The following SARS1 variants were observed in gnomAD, a reference collection of about 807,000 sequenced individuals.
SARS1 encodes seryl-tRNA synthetase 1, also known as serine--tRNA ligase, cytoplasmic.
In SARS1, 25 loss-of-function variants were observed where a neutral mutation model predicts 63.7. The observed-to-expected ratio is 0.39, with a 90% CI of 0.29 to 0.55. SARS1 has a LOEUF of 0.55. Among genes scored for constraint, SARS1 ranks in the 20% least tolerant of loss-of-function variants. The pLI, the probability that SARS1 is intolerant of heterozygous loss-of-function variation, is 0.62. For synonymous variants in SARS1, 231 were observed against 243.5 expected, an observed-to-expected ratio of 0.95 and a Z score of 0.48; for missense variants, 417 against 649.7, an observed-to-expected ratio of 0.64 and a Z score of 3.89.
In SARS1 at chr1:109,235,852, G is replaced by T; in HGVS notation, c.970-125G>T. 1.1e-6 allele frequency: 1 copy of T among 908,980 alleles called. No individual in the cohort carries two copies. The allele number at this position is 908,980 out of a possible 1,614,324, so 56.3% of individuals were successfully genotyped here. ...CTCTTGTGGTCCAGTCCCAGTTGCT[G>T]GGGGCCCAGACTTGCCTGCCTCCCA... On this transcript the variant is annotated intron_variant, in intron 7 of 10. Transcript: ENST00000234677. The surrounding 1 kb of genome is among the most constrained non-coding windows in gnomAD (Gnocchi z 4.7).
At chr1:109,226,701 C>CATATATAT (rs61204287) in intron 2 of SARS1, among the ~76,000 whole-genome samples, 2 of 69,786 alleles carry the variant, frequency 2.9e-5, no homozygotes, top group South Asian at 4.9e-4. Context: ...TATATATACA[C>CATATATAT]ACACACACAC....
intron 4 of SARS1, among the ~76,000 whole-genome samples, chr1:109,230,295 AC>A (rs1011741916): frequency 2.0e-5 from 3 of 152,210 alleles, no homozygotes; most frequent in East Asian, 3.9e-4. Flanking sequence ...AACAAAAAAA[AC>A]CCCCGAGAGA....
intron 8 of SARS1, 39 bp downstream of exon 8, chr1:109,236,145 A>G: frequency 6.3e-7 from 1 of 1,594,340 alleles, no homozygotes. Flanking sequence ...CCTTTCCTGT[A>G]ATCCCAGACG....
intron 1 of SARS1, chr1:109,215,113 A>G (rs1433872778): frequency 2.0e-6 from 2 of 985,404 alleles, no homozygotes; most frequent in Middle Eastern, 5.2e-4. Flanking sequence ...TCTCCTGTTT[A>G]TAAGGATCTT....
intron 1 of SARS1, chr1:109,217,054 C>T: frequency 4.1e-6 from 4 of 985,410 alleles, no homozygotes; most frequent in Non-Finnish European, 4.8e-6. Context: ...GGCATATAAT[C>T]TTTCTAGAAT....
intron 3 of SARS1, among the ~76,000 whole-genome samples, chr1:109,228,716 T>G (rs962688732): frequency 4.6e-5 from 7 of 152,252 alleles, no homozygotes; most frequent in Admixed American, 2.0e-4. Flanking sequence ...TTCTACCGTT[T>G]GTTACACAAA....
rs148795336 is a variant in SARS1, at chr1:109,235,308, T to C, written c.846T>C (p.Asp282=). Residue 282 remains aspartate, a synonymous_variant, in exon 7 of 11, where the codon GAT becomes GAC. Transcript: ENST00000234677. This position sits in a 1 kb window ranked among gnomAD's most constrained non-coding sequence, Gnocchi z 4.7. ...SEQPIAALHR[D]EWLRPEDLPI... ...AGCCCATTGCTGCCCTGCACCGGGA[T>C]GAGTGGCTCCGGCCGGAGGACCTGC... is the stretch of plus-strand genomic sequence containing the variant. 1.9e-4 allele frequency: 299 copies of C among 1,613,790 alleles called. No homozygotes were observed. Among genetic ancestry groups the C allele is most frequent in the Non-Finnish European group, 2.4e-4 (284 of 1,180,008 alleles).
intron 1 of SARS1, chr1:109,217,282 C>T (rs1654812358): frequency 5.6e-6 from 2 of 358,992 alleles, no homozygotes; most frequent in Non-Finnish European, 7.8e-6. Context: ...TTAGCCAAGC[C>T]TACCTTAAAT....
intron 2 of SARS1, among the ~76,000 whole-genome samples, chr1:109,225,613 G>T (rs972715680): frequency 1.3e-5 from 2 of 152,188 alleles, no homozygotes; most frequent in African/African-American, 4.8e-5. Flanking sequence ...TAATGATAGT[G>T]CTTTAATTTG....
At position 109,237,214 on chromosome 1, in the gene SARS1, G is replaced by A. The variant is rs1260673871; in HGVS notation, c.1258-30G>A. ...GTAAGACCCGATGAGAGTTGAGCCCGACTTCCCCTCTGGGACCCTGTCTTC... is the reference window on the plus strand; with the variant it reads ...GTAAGACCCGATGAGAGTTGAGCCCAACTTCCCCTCTGGGACCCTGTCTTC... On this transcript the variant is annotated intron_variant, in intron 9 of 10. Transcript: ENST00000234677. This position sits in a 1 kb window ranked among gnomAD's most constrained non-coding sequence, Gnocchi z 4.1. 3.8e-6 allele frequency: 6 copies of A among 1,599,436 alleles called. No individual in the cohort carries two copies. The highest frequency in any genetic ancestry group is 2.2e-5 in the South Asian group (2 of 89,052).
At chr1:109,231,389 G>A (rs1655207609) in intron 5 of SARS1, 1 of 344,962 alleles carries the variant, frequency 2.9e-6, no homozygotes, top group East Asian at 4.5e-5. Flanking sequence ...GGCCCAAAGT[G>A]CTTTGAGAAC....
At chr1:109,226,731 T>G (rs7552765) in intron 2 of SARS1, among the ~76,000 whole-genome samples, 2 of 45,556 alleles carry the variant, frequency 4.4e-5, no homozygotes, top group African/African-American at 9.8e-5. Context: ...CACACACATA[T>G]ATATATATTT....
intron 2 of SARS1, among the ~76,000 whole-genome samples, chr1:109,226,326 CA>C (rs1655068315): frequency 6.7e-6 from 1 of 149,372 alleles, no homozygotes; most frequent in Non-Finnish European, 1.5e-5. Flanking sequence ...CCATGCTTTA[CA>C]TTTAGGAGAT....
At chr1:109,225,240 A>C (rs1237062599) in intron 2 of SARS1, among the ~76,000 whole-genome samples, 1 of 152,258 alleles carries the variant, frequency 6.6e-6, no homozygotes, top group Admixed American at 6.5e-5. Context: ...GCATAAAAAG[A>C]TGACCTCGGG....
At chr1:109,226,057 A>G (rs1021752644) in intron 2 of SARS1, among the ~76,000 whole-genome samples, 1 of 151,804 alleles carries the variant, frequency 6.6e-6, no homozygotes, top group African/African-American at 2.4e-5. Flanking sequence ...CAGTGGCACA[A>G]TCATGGCTCA....
Position 109,213,949 on chromosome 1 carries a change from G to A in SARS1, c.-44G>A, listed in dbSNP as rs1204316107. Reference sequence around the variant, plus strand: ...CGGCGGTCACAGGCTGAGTGCTGCGGCGCGATCCTTGCTTCCCTGAGCGTT... The same window carrying A: ...CGGCGGTCACAGGCTGAGTGCTGCGACGCGATCCTTGCTTCCCTGAGCGTT... On this transcript the variant is annotated 5_prime_UTR_variant, in exon 1 of 11. Coordinates refer to ENST00000234677, the MANE Select transcript of SARS1 (RefSeq NM_006513.4). The A allele has an allele frequency of 3.8e-6, 6 of 1,572,094 alleles. No individual in the cohort carries two copies. Among genetic ancestry groups the A allele is most frequent in the South Asian group, 1.2e-5 (1 of 86,648 alleles).
chr1:109,233,862 A>ATTTTTTTT (rs1164453054), intron 6 of SARS1, among the ~76,000 whole-genome samples: 14 of 65,992 alleles, frequency 2.1e-4, no homozygotes, highest in Admixed American at 2.6e-4. Flanking sequence ...CACCTGGCTA[A>ATTTTTTTT]TTTTTTTTTT....
At chr1:109,226,735 TA>T (rs1199877900) in intron 2 of SARS1, among the ~76,000 whole-genome samples, 2 of 66,976 alleles carry the variant, frequency 3.0e-5, no homozygotes, top group African/African-American at 3.9e-5. Flanking sequence ...CACATATATA[TA>T]TATTTATTTA....
chr1:109,226,677 A>AT (rs1553177727), intron 2 of SARS1, among the ~76,000 whole-genome samples: 548 of 44,908 alleles, frequency 0.012, 12 homozygotes, highest in East Asian at 0.029. Context: ...AAAAAAAAAA[A>AT]ATATATATAT....
Sources: gnomAD v4.1 joint callset for allele counts (sites outside exome capture counted in the v4.1 genomes callset) on GRCh38, gnomAD v4.1.1 for gene constraint, Gnocchi (gnomAD v3.1) non-coding constraint, MANE v1.5 for transcripts, NCBI Gene and HGNC (gene_info 2026-07-23, HGNC 2026-07-21) for gene names.